POU2F3: variants seen among roughly 807,000 people sequenced by gnomAD.
POU2F3 encodes POU class 2 homeobox 3, also known as POU domain, class 2, transcription factor 3.
POU2F3 carries 23 observed loss-of-function variants against 59.2 expected under a neutral mutation model. The ratio of observed to expected loss-of-function variants is 0.39; its 90% confidence interval spans 0.28 to 0.55. POU2F3 has a LOEUF of 0.55. Among genes scored for constraint, POU2F3 ranks in the 20% least tolerant of loss-of-function variants. POU2F3 has a pLI of 0.66. For synonymous variants in POU2F3, 190 were observed against 214.6 expected (o/e 0.89, Z 1.00); for missense variants, 473 against 544.5 (o/e 0.87, Z 1.31).
Position 120,302,571 on chromosome 11 carries a change from AG to A in POU2F3, c.444+204del. 4 of 548,374 alleles carry A rather than the reference AG, an allele frequency of 7.3e-6. No homozygotes were observed. In the South Asian group the frequency reaches 1.0e-4, roughly 14 times the overall value. The allele number at this position is 548,374 out of a possible 1,614,324, so 34.0% of individuals were successfully genotyped here. On this transcript the variant is annotated intron_variant, in intron 6 of 12. Transcript: ENST00000543440. ...TACCAAGTGTCACTGGTGGGGCCAC[AG>A]TTAGAATCCAGAGATTCCAGCTCCC...
intron 3 of POU2F3, among the ~76,000 whole-genome samples, chr11:120,281,017 A>T (rs1365461202): frequency 6.6e-6 from 1 of 152,154 alleles, no homozygotes; most frequent in Non-Finnish European, 1.5e-5. Context: ...CCCAAGTCAA[A>T]GAGGGCTCTG....
At position 120,317,213 on chromosome 11, in the gene POU2F3, C is replaced by G; in HGVS notation, c.1136-16C>G. 6.2e-7 allele frequency: 1 copy of G among 1,613,348 alleles called. No homozygotes were observed. Among genetic ancestry groups the G allele is most frequent in the Non-Finnish European group, 8.5e-7 (1 of 1,179,648 alleles). On this transcript the variant is annotated splice_polypyrimidine_tract_variant and intron_variant, in intron 11 of 12. Coordinates refer to ENST00000543440, the MANE Select transcript of POU2F3 (RefSeq NM_014352.4). Reference sequence around the variant, plus strand: ...AGCATTATTTCCCCCTTGTTTTTGCCTCTCCTTATCCTCAGTAACGTCATC... The same window carrying G: ...AGCATTATTTCCCCCTTGTTTTTGCGTCTCCTTATCCTCAGTAACGTCATC...
At chr11:120,261,217 G>T (rs1345110945) in intron 2 of POU2F3, 1 of 148,264 alleles carries the variant, frequency 6.7e-6, no homozygotes, top group African/African-American at 2.5e-5. Context: ...TTGTTTGTTT[G>T]CCTCCCCCTG....
chr11:120,261,155 T>G (rs1003008227), intron 2 of POU2F3: 1 of 116,592 alleles, frequency 8.6e-6, no homozygotes, highest in African/African-American at 3.4e-5. Flanking sequence ...TTTTTTTTTG[T>G]TGTTTTGTGT....
At chr11:120,311,241 A>G (rs769565115) in intron 10 of POU2F3, among the ~76,000 whole-genome samples, 10 of 152,232 alleles carry the variant, frequency 6.6e-5, no homozygotes, top group Non-Finnish European at 1.2e-4. Flanking sequence ...AAGGATTTTC[A>G]TAGGATATTG....
intron 3 of POU2F3, among the ~76,000 whole-genome samples, chr11:120,276,169 G>A (rs1008979395): frequency 9.9e-5 from 15 of 152,262 alleles, no homozygotes; most frequent in African/African-American, 3.4e-4. Context: ...AGGACAGCAA[G>A]CACCAAAGCC....
intron 11 of POU2F3, among the ~76,000 whole-genome samples, chr11:120,316,597 T>C (rs1941794395): frequency 6.6e-6 from 1 of 152,214 alleles, no homozygotes; most frequent in Non-Finnish European, 1.5e-5. Context: ...GGCTAATTTT[T>C]GTATTTTTTG....
At chr11:120,309,932 G>A (rs1941610373) in intron 10 of POU2F3, among the ~76,000 whole-genome samples, 1 of 152,190 alleles carries the variant, frequency 6.6e-6, no homozygotes, top group African/African-American at 2.4e-5. Context: ...GGCAACCAGT[G>A]TGGCTGGGGA....
Position 120,305,802 on chromosome 11 carries a change from C to G in POU2F3, c.769+17C>G, listed in dbSNP as rs199988800. On this transcript the variant is annotated intron_variant, in intron 8 of 12. Transcript: ENST00000543440. Reference sequence around the variant, plus strand: ...ATGATGCAGGTAGGCCTCGCAAACACGGATGCCAGGGGCCCTAGAGGGCTC... The same window carrying G: ...ATGATGCAGGTAGGCCTCGCAAACAGGGATGCCAGGGGCCCTAGAGGGCTC... 2 of 1,612,434 alleles carry G rather than the reference C, an allele frequency of 1.2e-6. No individual in the cohort carries two copies. Among genetic ancestry groups the G allele is most frequent in the Admixed American group, 1.7e-5 (1 of 59,988 alleles).
Position 120,305,324 on chromosome 11 carries a change from C to T in POU2F3, c.627+112C>T. ...AGGCTCGATGTGTTTGGGGTCTCCT[C>T]ATCATGTCCCTGAGTTCTCTGAGAA... On this transcript the variant is annotated intron_variant, in intron 7 of 12. Transcript: ENST00000543440. 5 of 1,238,282 alleles carry T rather than the reference C, an allele frequency of 4.0e-6. No homozygotes were observed. The South Asian group carries it at 6.3e-5, about 16-fold the overall frequency. 76.7% of individuals were successfully genotyped at this position (1,238,282 alleles called of 1,614,324 possible). A position where few individuals can be genotyped will look rare whatever the true frequency, so the allele number is the denominator to read the frequency against.
At chr11:120,236,734 C>G (rs549510549), upstream of POU2F3, 17 of 1,450,720 alleles carry the variant, frequency 1.2e-5, no homozygotes, top group Non-Finnish European at 1.5e-5. Flanking sequence ...CGTTCCCATT[C>G]TAGCTCATCT....
intron 3 of POU2F3, among the ~76,000 whole-genome samples, chr11:120,289,398 C>G (rs1940941667): frequency 6.6e-6 from 1 of 152,220 alleles, no homozygotes; most frequent in Admixed American, 6.5e-5. Flanking sequence ...TACAGTCATG[C>G]TCTCTTCAAA....
chr11:120,315,126 A>G (rs1941749661), intron 10 of POU2F3, among the ~76,000 whole-genome samples: 1 of 152,212 alleles, frequency 6.6e-6, no homozygotes, highest in East Asian at 1.9e-4. Flanking sequence ...CAGGGGCTGG[A>G]GGGCCCTGGT....
At chr11:120,236,950 G>A (rs1246308282), upstream of POU2F3, among the ~76,000 whole-genome samples, 1 of 152,158 alleles carries the variant, frequency 6.6e-6, no homozygotes, top group Non-Finnish European at 1.5e-5. Context: ...CCCTCCTTGT[G>A]GGCCTCAGGT....
In POU2F3 at chr11:120,317,195, T is replaced by A. The variant is rs780405713; in HGVS notation, c.1136-34T>A. ...GATGTCCCGGGATCCAGCAGCATTA[T>A]TTCCCCCTTGTTTTTGCCTCTCCTT... On this transcript the variant is annotated intron_variant, in intron 11 of 12. Transcript: ENST00000543440. 3 of 1,612,478 alleles carry A rather than the reference T, an allele frequency of 1.9e-6. No individual in the cohort carries two copies. In the African/African-American group the frequency reaches 4.0e-5, roughly 22 times the overall value.
intron 3 of POU2F3, among the ~76,000 whole-genome samples, chr11:120,273,888 G>A (rs1223105068): frequency 6.6e-6 from 1 of 152,000 alleles, no homozygotes; most frequent in South Asian, 2.1e-4. Context: ...GTGGTGGCAG[G>A]TGCCTGTAAT....
rs1006450762 is a variant in POU2F3 at position 120,240,333 on chromosome 11, C to A, written c.-11C>A. On this transcript the variant is annotated 5_prime_UTR_variant, in exon 1 of 13. Coordinates refer to ENST00000543440, the MANE Select transcript of POU2F3 (RefSeq NM_014352.4). Reference sequence around the variant, plus strand: ...TGGGGGGGCGCTGGCTTTGGCCCCGCCTGGGGCAGGATGGTGAATCTGGAG... The same window carrying A: ...TGGGGGGGCGCTGGCTTTGGCCCCGACTGGGGCAGGATGGTGAATCTGGAG... 1.1e-5 allele frequency: 15 copies of A among 1,392,048 alleles called. No homozygotes were observed. The highest frequency in any genetic ancestry group is 1.4e-5 in the Non-Finnish European group (15 of 1,061,842). The allele number at this position is 1,392,048 out of a possible 1,614,324, so 86.2% of individuals were successfully genotyped here. A position where few individuals can be genotyped will look rare whatever the true frequency, so the allele number is the denominator to read the frequency against.
chr11:120,309,524 G>A lies in POU2F3; in HGVS notation c.1006G>A (p.Glu336Lys). The A allele has an allele frequency of 6.2e-7, 1 of 1,614,090 alleles. No individual in the cohort carries two copies. Residue 336 changes from glutamate to lysine, a missense_variant, in exon 10 of 13, where the codon GAG (glutamate) becomes AAG (lysine). Physicochemically the swap from Glu to Lys is moderately conservative, Grantham distance 56. Transcript: ENST00000543440. ...RVWFCNRRQK[E>K]KRINCPVATP... ...CTGGTTCTGCAACCGACGCCAAAAG[G>A]AGAAGCGAATCAACTGCCCTGTGGC...
intron 3 of POU2F3, among the ~76,000 whole-genome samples, chr11:120,282,922 G>A (rs930504988): frequency 2.6e-5 from 4 of 152,200 alleles, no homozygotes; most frequent in South Asian, 2.1e-4. Context: ...GGCCACTTAT[G>A]TAGCTGGCAA....
Sources: gnomAD v4.1 joint callset for allele counts (sites outside exome capture counted in the v4.1 genomes callset) on GRCh38, gnomAD v4.1.1 for gene constraint, MANE v1.5 for transcripts, NCBI Gene and HGNC (gene_info 2026-07-23, HGNC 2026-07-21) for gene names.